IL31RA: variants seen among roughly 807,000 people sequenced by gnomAD.
IL31RA encodes the protein interleukin-31 receptor subunit alpha.
A neutral mutation model predicts 83.7 loss-of-function variants in IL31RA; 66 were observed. The observed-to-expected ratio is 0.79, with a 90% CI of 0.65 to 0.97. The LOEUF (loss-of-function observed/expected upper bound fraction) is 0.97. Ranked by LOEUF, IL31RA falls within the 50% of genes least tolerant of loss-of-function variation. The probability of loss-of-function intolerance (pLI) is 0.00; values close to 1 mark genes in which losing one functional copy is unlikely to be tolerated. For missense variants in IL31RA, 798 were observed against 919.4 expected, an observed-to-expected ratio of 0.87 and a Z score of 1.71; for synonymous variants, 325 against 329.0, an observed-to-expected ratio of 0.99 and a Z score of 0.13.
chr5:55,878,475 C>T (rs183264091), intron 4 of IL31RA, among the ~76,000 whole-genome samples: 8 of 152,310 alleles, frequency 5.3e-5, no homozygotes, highest in South Asian at 4.1e-4. Flanking sequence ...TACCTCTCCA[C>T]GTCTTTGCAG....
intron 1 of IL31RA, among the ~76,000 whole-genome samples, chr5:55,855,132 C>G (rs1264518456): frequency 2.0e-5 from 3 of 151,964 alleles, no homozygotes; most frequent in East Asian, 3.9e-4. Context: ...AGAAGTTACT[C>G]CCTCTTCTTT....
At position 55,906,107 on chromosome 5, in the gene IL31RA, A is replaced by G. The variant is rs1005185236; in HGVS notation, c.1071A>G (p.Ser357=). The part of the protein sequence containing the change: ...TLRIPAIQEK[S]FQCIEVMQAC... ...AGCAGTCCTTTTCTCTCCTTTCAGC[A>G]TTTCAGTGCATTGAGGTCATGCAGG... Residue 357 remains serine (S), a splice_region_variant and synonymous_variant, in exon 9 of 15, where the codon TCA becomes TCG. Transcript: ENST00000652347. 1.9e-6 allele frequency: 3 copies of G among 1,613,288 alleles called. No individual in the cohort carries two copies. The highest frequency in any genetic ancestry group is 1.3e-5 in the African/African-American group (1 of 74,310).
At position 55,889,954 on chromosome 5, in the gene IL31RA, T is replaced by G. The variant is rs776656723; in HGVS notation, c.607-16T>G. 3 of 1,613,558 alleles carry G rather than the reference T, an allele frequency of 1.9e-6. No homozygotes were observed. The East Asian group carries it at 6.7e-5, about 36-fold the overall frequency. On this transcript the variant is annotated splice_polypyrimidine_tract_variant and intron_variant, in intron 5 of 14. Coordinates refer to ENST00000652347, the MANE Select transcript of IL31RA (RefSeq NM_139017.7). ...TGTGGTCTCCATTTCAGTTTAGGATTGTCTCTGTCTTGTAGATGGAAGTCA... is the reference window on the plus strand; with the variant it reads ...TGTGGTCTCCATTTCAGTTTAGGATGGTCTCTGTCTTGTAGATGGAAGTCA...
rs370536039 is a variant in IL31RA, at chr5:55,922,054, C to T, written c.*4934C>T. ...AGTGTCTTGCACTCTTATGTTGTGG[C>T]GGGGGGGGGGGGCGGTTCCTGAAGA... is the stretch of plus-strand genomic sequence containing the variant. On this transcript the variant is annotated 3_prime_UTR_variant, in exon 15 of 15. Transcript: ENST00000652347. Among the ~76,000 whole-genome samples the T allele has an allele frequency of 2.8e-5, 2 of 70,388 alleles. No individual in the cohort carries two copies. The highest frequency in any genetic ancestry group is 1.1e-3 in the South Asian group (2 of 1,816). 46.2% of individuals were successfully genotyped at this position (70,388 alleles called of 152,430 possible).
At position 55,921,074 on chromosome 5, in the gene IL31RA, C is replaced by T. The variant is rs577071677; in HGVS notation, c.*3954C>T. Among the ~76,000 whole-genome samples, 311 of 152,296 alleles carry T rather than the reference C, an allele frequency of 2.0e-3. No individual in the cohort carries two copies. The highest frequency in any genetic ancestry group is 6.6e-3 in the African/African-American group (273 of 41,550). On this transcript the variant is annotated 3_prime_UTR_variant, in exon 15 of 15. Coordinates refer to ENST00000652347, the MANE Select transcript of IL31RA (RefSeq NM_139017.7). ...GTCAGCAGTGCTGAGGCTGAGAAGT[C>T]GTGGCCTGAACTACCCTCTGCCTTC...
intron 1 of IL31RA, among the ~76,000 whole-genome samples, chr5:55,854,184 C>A (rs1745220676): frequency 6.6e-6 from 1 of 152,176 alleles, no homozygotes; most frequent in Admixed American, 6.5e-5. Context: ...AGTGCTTTTG[C>A]CAGTCTCACT....
intron 2 of IL31RA, among the ~76,000 whole-genome samples, chr5:55,860,300 C>T (rs889776435): frequency 1.3e-5 from 2 of 151,868 alleles, no homozygotes; most frequent in Admixed American, 1.3e-4. Flanking sequence ...ACCTGGGAGG[C>T]GGAGGTTGCA....
At chr5:55,899,193 T>G (rs1239320385) in intron 7 of IL31RA, among the ~76,000 whole-genome samples, 1 of 152,220 alleles carries the variant, frequency 6.6e-6, no homozygotes, top group African/African-American at 2.4e-5. Flanking sequence ...GTCCCACTTA[T>G]AAGTCCTGGA....
chr5:55,855,242 C>T (rs1213188271), intron 1 of IL31RA, among the ~76,000 whole-genome samples: 1 of 151,514 alleles, frequency 6.6e-6, no homozygotes, highest in Non-Finnish European at 1.5e-5. Context: ...ACTCCTGGGC[C>T]CAAGCATTGT....
At chr5:55,880,600 C>T (rs976537869) in intron 4 of IL31RA, among the ~76,000 whole-genome samples, 30 of 152,224 alleles carry the variant, frequency 2.0e-4, no homozygotes, top group African/African-American at 7.0e-4. Context: ...TTGGTATAAC[C>T]TTTCTGGAAA....
chr5:55,891,761 ATTT>A (rs35672011), intron 6 of IL31RA, among the ~76,000 whole-genome samples: 2,285 of 59,390 alleles, frequency 0.038, 5 homozygotes, highest in African/African-American at 0.07. Context: ...TTTGGACAAG[ATTT>A]TTTTTTTTTT....
At chr5:55,878,305 T>C (rs907045354) in intron 4 of IL31RA, among the ~76,000 whole-genome samples, 4 of 152,216 alleles carry the variant, frequency 2.6e-5, no homozygotes, top group African/African-American at 9.6e-5. Flanking sequence ...AAGGTGATCA[T>C]TTTAGGGTCT....
At chr5:55,860,428 C>T (rs1745609338) in intron 2 of IL31RA, among the ~76,000 whole-genome samples, 2 of 151,736 alleles carry the variant, frequency 1.3e-5, no homozygotes, top group African/African-American at 4.8e-5. Context: ...CATTGTACTG[C>T]ACTCACCCAT....
intron 2 of IL31RA, among the ~76,000 whole-genome samples, chr5:55,868,567 A>T (rs1413814223): frequency 1.4e-4 from 21 of 152,232 alleles, no homozygotes; most frequent in Admixed American, 1.4e-3. Flanking sequence ...GAATGTAAAA[A>T]GGGATTTCTT....
At position 55,878,401 on chromosome 5, in the gene IL31RA, G is replaced by C. The variant is rs116004500; in HGVS notation, c.455-4643G>C. Among the ~76,000 whole-genome samples the C allele has an allele frequency of 6.5e-3, 983 of 152,200 alleles. 18 individuals carry two copies. Among genetic ancestry groups the C allele is most frequent in the African/African-American group, 0.023 (962 of 41,520 alleles). ...TTACTTAAATGGGCCATGTTTTCCTGTTTCTTTGTATGCCTTGCAATTTTT... is the reference window on the plus strand; with the variant it reads ...TTACTTAAATGGGCCATGTTTTCCTCTTTCTTTGTATGCCTTGCAATTTTT... On this transcript the variant is annotated intron_variant, in intron 4 of 14. Coordinates refer to ENST00000652347, the MANE Select transcript of IL31RA (RefSeq NM_139017.7).
At chr5:55,871,477 G>A (rs953500235) in intron 3 of IL31RA, among the ~76,000 whole-genome samples, 1 of 152,176 alleles carries the variant, frequency 6.6e-6, no homozygotes, top group Non-Finnish European at 1.5e-5. Flanking sequence ...CCACCCATCT[G>A]ATTCCCACTA....
rs904793652 is a variant in IL31RA, at chr5:55,921,373, C to T, written c.*4253C>T. On this transcript the variant is annotated 3_prime_UTR_variant, in exon 15 of 15. Coordinates refer to ENST00000652347, the MANE Select transcript of IL31RA (RefSeq NM_139017.7). ...CATTTTGAACATCCATGAAAAACCCCATGGCGGGCCTGCATGGTGTGGTTT... is the reference window on the plus strand; with the variant it reads ...CATTTTGAACATCCATGAAAAACCCTATGGCGGGCCTGCATGGTGTGGTTT... Among the ~76,000 whole-genome samples, 8 of 152,320 alleles carry T rather than the reference C, an allele frequency of 5.3e-5. No individual in the cohort carries two copies. Among genetic ancestry groups the T allele is most frequent in the African/African-American group, 1.9e-4 (8 of 41,568 alleles).
rs1227024861 is a variant in IL31RA, at chr5:55,867,306, T to TGTGC, written c.155-1482_155-1481insCGTG. On this transcript the variant is annotated intron_variant, in intron 2 of 14. Transcript: ENST00000652347. ...GTGTGTGTGCATGTGTGTGTGTGCG[T>TGTGC]GTGTGTGTGTGCGTGTGTGTGTGTG... Among the ~76,000 whole-genome samples the TGTGC allele has an allele frequency of 1.9e-3, 248 of 129,642 alleles. 1 individual carries two copies. The highest frequency in any genetic ancestry group is 8.5e-3 in the African/African-American group (242 of 28,536). 85.1% of individuals were successfully genotyped at this position (129,642 alleles called of 152,430 possible).
chr5:55,896,998 A>AT (rs1197402352), intron 7 of IL31RA, among the ~76,000 whole-genome samples: 2 of 228 alleles, frequency 8.8e-3, no homozygotes, highest in African/African-American at 0.029. Context: ...AAAAAAAAAA[A>AT]AAATATATAT....
Sources: gnomAD v4.1 joint callset for allele counts (sites outside exome capture counted in the v4.1 genomes callset) on GRCh38, gnomAD v4.1.1 for gene constraint, MANE v1.5 for transcripts, NCBI Gene and HGNC (gene_info 2026-07-23, HGNC 2026-07-21) for gene names.